UNC13C: variants seen among roughly 807,000 people sequenced by gnomAD.
The protein encoded by UNC13C is protein unc-13 homolog C.
Under a neutral mutation model 245.4 loss-of-function variants are expected in UNC13C, and 174 were observed. The ratio of observed to expected loss-of-function variants is 0.71; its 90% confidence interval spans 0.63 to 0.80. The LOEUF is 0.80. UNC13C is among the 30% of genes least tolerant of loss of function. The probability of loss-of-function intolerance (pLI) is 0.00; values close to 1 mark genes in which losing one functional copy is unlikely to be tolerated. For synonymous variants in UNC13C, 992 were observed against 895.1 expected (o/e 1.11, Z -1.93); for missense variants, 2,829 against 2,602.9 (o/e 1.09, Z -1.89).
chr15:54,592,787 C>A (rs933612496), intron 30 of UNC13C, among the ~76,000 whole-genome samples: 9 of 150,628 alleles, frequency 6.0e-5, no homozygotes, highest in Non-Finnish European at 1.5e-5. Context: ...AGGCCATTTA[C>A]ATTTAATGTT....
chr15:53,948,963 A>G, the UNC13C span, among the ~76,000 whole-genome samples: 1,239 of 152,264 alleles, frequency 8.1e-3, 11 homozygotes, highest in Middle Eastern at 0.024. Flanking sequence ...CATTAAAGGT[A>G]TTTTCCATTA....
At position 54,226,051 on chromosome 15, in the gene UNC13C, C is replaced by G. The variant is rs139336187; in HGVS notation, c.3072-8979C>G. 9.3e-4 allele frequency among the ~76,000 whole-genome samples: 142 copies of G among 152,244 alleles called. 1 individual carries two copies. The highest frequency in any genetic ancestry group is 3.4e-3 in the African/African-American group (140 of 41,546). ...AATTTGATTGAAGGCCTTTTTGCAT[C>G]TGTTGAGATAAGCACATGGTTTTTG... On this transcript the variant is annotated intron_variant, in intron 4 of 32. Transcript: ENST00000260323.
chr15:54,333,559 G>T (rs1007992628), intron 15 of UNC13C, among the ~76,000 whole-genome samples: 1 of 151,988 alleles, frequency 6.6e-6, no homozygotes, highest in Non-Finnish European at 1.5e-5. Flanking sequence ...GAAGAGTGCA[G>T]CTTTCCAAGA....
intron 2 of UNC13C, among the ~76,000 whole-genome samples, chr15:54,081,056 G>T (rs1197141130): frequency 6.6e-6 from 1 of 151,900 alleles, no homozygotes; most frequent in East Asian, 1.9e-4. Flanking sequence ...CCTTAATTTA[G>T]TTGCTTATTC....
intron 4 of UNC13C, among the ~76,000 whole-genome samples, chr15:54,184,435 A>G (rs1431100832): frequency 6.6e-6 from 1 of 151,812 alleles, no homozygotes; most frequent in African/African-American, 2.4e-5. Flanking sequence ...ACCCCACAAC[A>G]GTCCCCGGTG....
the UNC13C span, among the ~76,000 whole-genome samples, chr15:53,848,045 G>A: frequency 1.3e-5 from 2 of 152,088 alleles, no homozygotes; most frequent in Non-Finnish European, 2.9e-5. Flanking sequence ...TCTGTAGGAT[G>A]TCTAGTGATG....
At chr15:54,376,829 C>T (rs184302290) in intron 17 of UNC13C, among the ~76,000 whole-genome samples, 1 of 152,242 alleles carries the variant, frequency 6.6e-6, no homozygotes, top group African/African-American at 2.4e-5. Context: ...CATGATGTCC[C>T]CCAGAAAGAC....
chr15:54,121,932 A>G (rs992888370), intron 2 of UNC13C, among the ~76,000 whole-genome samples: 1 of 151,902 alleles, frequency 6.6e-6, no homozygotes, highest in Non-Finnish European at 1.5e-5. Context: ...GTATTGTATT[A>G]CCTATTTTTA....
At chr15:53,849,586 TA>T in the UNC13C span, among the ~76,000 whole-genome samples, 2 of 152,184 alleles carry the variant, frequency 1.3e-5, no homozygotes, top group Admixed American at 1.3e-4. Context: ...AGCACTTATA[TA>T]TTTTTTCTTT....
the UNC13C span, among the ~76,000 whole-genome samples, chr15:53,958,527 G>T: frequency 6.6e-6 from 1 of 152,156 alleles, no homozygotes; most frequent in African/African-American, 2.4e-5. Context: ...GCTTATTGAG[G>T]AGGAAACGGA....
chr15:54,171,345 C>T (rs1172945866), intron 4 of UNC13C, among the ~76,000 whole-genome samples: 1 of 152,054 alleles, frequency 6.6e-6, no homozygotes, highest in African/African-American at 2.4e-5. Flanking sequence ...TATTTGCAAA[C>T]TACCCATCTG....
At chr15:54,451,622 A>G (rs1891181060) in intron 19 of UNC13C, among the ~76,000 whole-genome samples, 2 of 152,194 alleles carry the variant, frequency 1.3e-5, no homozygotes, top group African/African-American at 2.4e-5. Context: ...ATTTTATATT[A>G]TAGCTATCTC....
the UNC13C span, among the ~76,000 whole-genome samples, chr15:53,934,192 AC>A: frequency 4.1e-4 from 62 of 152,316 alleles, no homozygotes; most frequent in South Asian, 0.011. Flanking sequence ...ATGGTGCTAA[AC>A]CATTGTTGAG....
At chr15:54,103,973 G>A (rs1458469728) in intron 2 of UNC13C, among the ~76,000 whole-genome samples, 1 of 56,800 alleles carries the variant, frequency 1.8e-5, no homozygotes, top group Non-Finnish European at 5.2e-5. Context: ...TCAATCTCTT[G>A]ACCTCGTGAT....
intron 10 of UNC13C, among the ~76,000 whole-genome samples, chr15:54,281,371 A>C (rs1368499141): frequency 6.6e-6 from 1 of 152,334 alleles, no homozygotes; most frequent in South Asian, 2.1e-4. Context: ...CACAAATGCT[A>C]AGATCTTTCA....
intron 19 of UNC13C, among the ~76,000 whole-genome samples, chr15:54,448,196 A>C (rs1414463806): frequency 1.3e-5 from 2 of 152,164 alleles, no homozygotes; most frequent in Admixed American, 6.5e-5. Context: ...ACTTCCAACT[A>C]TGTGGTCAGT....
chr15:53,862,925 A>G, the UNC13C span, among the ~76,000 whole-genome samples: 1 of 152,154 alleles, frequency 6.6e-6, no homozygotes, highest in African/African-American at 2.4e-5. Context: ...TGTAAAATAC[A>G]TTCATTTCAT....
chr15:54,290,444 A>G (rs2037267213), intron 10 of UNC13C, among the ~76,000 whole-genome samples: 1 of 152,076 alleles, frequency 6.6e-6, no homozygotes, highest in Non-Finnish European at 1.5e-5. Flanking sequence ...ATGCACAGAG[A>G]CTCAAACTCC....
At chr15:54,023,227 T>C (rs1480297907) in intron 2 of UNC13C, among the ~76,000 whole-genome samples, 4 of 152,174 alleles carry the variant, frequency 2.6e-5, no homozygotes, top group African/African-American at 4.8e-5. Flanking sequence ...CAACATCATA[T>C]AGCGAATTAA....
Sources: gnomAD v4.1 joint callset for allele counts (sites outside exome capture counted in the v4.1 genomes callset) on GRCh38, gnomAD v4.1.1 for gene constraint, MANE v1.5 for transcripts, NCBI Gene and HGNC (gene_info 2026-07-23, HGNC 2026-07-21) for gene names.